Variants in RBFOX1 observed in about 807,000 individuals in gnomAD.
RBFOX1 encodes the protein RNA binding protein fox-1 homolog 1.
A neutral mutation model predicts 57.7 loss-of-function variants in RBFOX1; 8 were observed. The observed-to-expected ratio is 0.14, with a 90% confidence interval of 0.08 to 0.25. The LOEUF (loss-of-function observed/expected upper bound fraction) is 0.25, where lower values mean the gene tolerates loss of function less well. Among genes scored for constraint, RBFOX1 ranks in the 10% least tolerant of loss-of-function variants. The pLI is 1.00. For missense variants in RBFOX1, 611 were observed against 548.5 expected, an observed-to-expected ratio of 1.11 and a Z score of -1.14; for synonymous variants, 326 against 222.4, an observed-to-expected ratio of 1.47 and a Z score of -4.15.
intron 3 of RBFOX1, among the ~76,000 whole-genome samples, chr16:6,707,791 A>G (rs903988493): frequency 6.6e-6 from 1 of 152,114 alleles, no homozygotes; most frequent in African/African-American, 2.4e-5. Context: ...AAGTTTATTA[A>G]ATTCTTATTT....
At chr16:6,206,065 G>C (rs1338034227) in intron 1 of RBFOX1, among the ~76,000 whole-genome samples, 1 of 151,958 alleles carries the variant, frequency 6.6e-6, no homozygotes. Flanking sequence ...AGATGAGGCT[G>C]AAAAGTATTC....
At chr16:7,096,078 A>G (rs1264347774) in intron 4 of RBFOX1, among the ~76,000 whole-genome samples, 1 of 152,240 alleles carries the variant, frequency 6.6e-6, no homozygotes, top group East Asian at 1.9e-4. Context: ...TGCATGAGAT[A>G]TTGTGTGTGC....
At chr16:6,142,984 C>T (rs1157740066) in intron 1 of RBFOX1, among the ~76,000 whole-genome samples, 1 of 152,196 alleles carries the variant, frequency 6.6e-6, no homozygotes, top group Non-Finnish European at 1.5e-5. Context: ...TTTCTCCCAG[C>T]TCCTGAGCAA....
At chr16:6,673,311 G>A (rs2098779426) in intron 3 of RBFOX1, among the ~76,000 whole-genome samples, 1 of 152,190 alleles carries the variant, frequency 6.6e-6, no homozygotes, top group African/African-American at 2.4e-5. Context: ...ATTGAGGCCA[G>A]GCGTGGTGGC....
chr16:6,876,220 G>C (rs970462235), intron 3 of RBFOX1, among the ~76,000 whole-genome samples: 1 of 151,902 alleles, frequency 6.6e-6, no homozygotes, highest in African/African-American at 2.4e-5. Context: ...AAAAGCATCA[G>C]CAACACAATC....
intron 4 of RBFOX1, among the ~76,000 whole-genome samples, chr16:7,336,423 G>T (rs1452027002): frequency 6.6e-6 from 1 of 152,218 alleles, no homozygotes; most frequent in Non-Finnish European, 1.5e-5. Flanking sequence ...AGGTCTGACA[G>T]ATGATGAGTC....
chr16:6,212,724 C>A lies in RBFOX1; in HGVS notation c.-126-104271C>A, dbSNP rs1013060420. On this transcript the variant is annotated intron_variant, in intron 1 of 15. Coordinates refer to ENST00000550418, the MANE Select transcript of RBFOX1 (RefSeq NM_018723.4). ...TCTGTCAAAAAAACAAACAAACAAA[C>A]AAACAAAAAAAAAACCCACTAATAT... Among the ~76,000 whole-genome samples the A allele has an allele frequency of 5.3e-4, 4 of 7,530 alleles. No homozygotes were observed. In the Non-Finnish European group the frequency reaches 0.012, roughly 22 times the overall value. 4.9% of individuals were successfully genotyped at this position (7,530 alleles called of 152,430 possible).
Position 5,640,285 on chromosome 16 carries a change from T to C in RBFOX1, c.318+41324T>C, listed in dbSNP as rs114440491. On this transcript the variant is annotated intron_variant, in intron 3 of 19. Coordinates refer to the RBFOX1 transcript ENST00000641259. ...TTCACTTTAGCCATCGGTCTGAAAG[T>C]ACTGTGAATGGGAGAGAGTATTTAA... Among the ~76,000 whole-genome samples, 1,380 of 152,268 alleles carry C rather than the reference T, an allele frequency of 9.1e-3. 31 individuals are homozygous for C. Among genetic ancestry groups the C allele is most frequent in the African/African-American group, 0.032 (1,325 of 41,546 alleles).
chr16:6,952,074 G>C (rs762808607), intron 3 of RBFOX1, among the ~76,000 whole-genome samples: 1 of 152,172 alleles, frequency 6.6e-6, no homozygotes, highest in Non-Finnish European at 1.5e-5. Flanking sequence ...TCAGATACAT[G>C]TACCTTTATC....
chr16:7,667,107 T>A (rs1199127388), intron 13 of RBFOX1, among the ~76,000 whole-genome samples: 1 of 152,222 alleles, frequency 6.6e-6, no homozygotes, highest in East Asian at 1.9e-4. Context: ...CAGAAAAAGT[T>A]CCTGCAATAT....
intron 3 of RBFOX1, among the ~76,000 whole-genome samples, chr16:5,631,672 G>A (rs2048512452): frequency 6.6e-6 from 1 of 151,998 alleles, no homozygotes; most frequent in African/African-American, 2.4e-5. Context: ...CTCCTAGAAC[G>A]GAAGCTACTT....
intron 4 of RBFOX1, among the ~76,000 whole-genome samples, chr16:7,134,292 C>T (rs2071314578): frequency 6.6e-6 from 1 of 152,208 alleles, no homozygotes; most frequent in South Asian, 2.1e-4. Flanking sequence ...TGACATTTTG[C>T]TGTGAAACTT....
chr16:6,376,862 G>T (rs577396051), intron 2 of RBFOX1, among the ~76,000 whole-genome samples: 1 of 152,254 alleles, frequency 6.6e-6, no homozygotes, highest in South Asian at 2.1e-4. Flanking sequence ...TCTAGTAGTC[G>T]TTAGGGATCT....
chr16:7,290,194 G>A (rs2095740480), intron 4 of RBFOX1, among the ~76,000 whole-genome samples: 2 of 152,286 alleles, frequency 1.3e-5, no homozygotes, highest in African/African-American at 4.8e-5. Flanking sequence ...CTTCAAATGT[G>A]AAGCATGTAT....
Position 5,566,446 on chromosome 16 carries a change from G to A in RBFOX1, c.259-32456G>A, listed in dbSNP as rs531275525. 1.8e-4 allele frequency among the ~76,000 whole-genome samples: 27 copies of A among 152,238 alleles called. No individual in the cohort carries two copies. In the South Asian group the frequency reaches 5.4e-3, roughly 30 times the overall value. On this transcript the variant is annotated intron_variant, in intron 2 of 2. Transcript: ENST00000585867. ...ATGGTTGGAAAAAGAGACTTTGGAA[G>A]TGGAGTTTAATGTGTAGAACCCGCT...
intron 5 of RBFOX1, among the ~76,000 whole-genome samples, chr16:7,522,413 G>A (rs915661862): frequency 6.6e-6 from 1 of 152,136 alleles, no homozygotes; most frequent in Non-Finnish European, 1.5e-5. Flanking sequence ...AGCCTGGAGG[G>A]TATAAACTGA....
intron 3 of RBFOX1, among the ~76,000 whole-genome samples, chr16:5,727,852 A>T (rs1216598613): frequency 6.6e-6 from 1 of 151,918 alleles, no homozygotes; most frequent in Non-Finnish European, 1.5e-5. Context: ...CATGCCCACT[A>T]ATATTTCAGG....
chr16:7,446,758 C>G lies in RBFOX1; in HGVS notation c.28-71389C>G, dbSNP rs371849097. Among the ~76,000 whole-genome samples, 233 of 147,260 alleles carry G rather than the reference C, an allele frequency of 1.6e-3. 4 individuals carry two copies. The South Asian group carries it at 0.049, about 31-fold the overall frequency. ...GAAGACCCTCCACTGTCAACTTAAG[C>G]TCACGTTTTCCTATTTCTCAAGCCA... On this transcript the variant is annotated intron_variant, in intron 4 of 15. Coordinates refer to ENST00000550418, the MANE Select transcript of RBFOX1 (RefSeq NM_018723.4).
At chr16:5,495,321 C>A (rs1018874684) in intron 2 of RBFOX1, among the ~76,000 whole-genome samples, 36 of 152,196 alleles carry the variant, frequency 2.4e-4, no homozygotes, top group Admixed American at 6.5e-5. Flanking sequence ...TCGAATCTTG[C>A]CTCTTGAATC....
Sources: gnomAD v4.1 joint callset for allele counts (sites outside exome capture counted in the v4.1 genomes callset) on GRCh38, gnomAD v4.1.1 for gene constraint, MANE v1.5 for transcripts, NCBI Gene and HGNC (gene_info 2026-07-23, HGNC 2026-07-21) for gene names.